Variants in EPHA6 observed in about 807,000 individuals in gnomAD.
The protein encoded by EPHA6 is ephrin type-A receptor 6.
In EPHA6, 50 loss-of-function variants were observed where a neutral mutation model predicts 112.0. That is an observed-to-expected ratio of 0.45 (90% confidence interval 0.36 to 0.56). EPHA6 has a LOEUF of 0.56. Ranked by LOEUF, EPHA6 falls within the 20% of genes least tolerant of loss-of-function variation. The pLI, the probability that EPHA6 is intolerant of heterozygous loss-of-function variation, is 0.00. For synonymous variants in EPHA6, 529 were observed against 490.7 expected, an observed-to-expected ratio of 1.08 and a Z score of -1.03; for missense variants, 1,280 against 1,417.4, an observed-to-expected ratio of 0.90 and a Z score of 1.56.
chr3:97,502,832 CA>C (rs397990595), intron 10 of EPHA6, among the ~76,000 whole-genome samples: 350 of 35,836 alleles, frequency 9.8e-3, no homozygotes, highest in African/African-American at 0.021. Flanking sequence ...GACTCTGTCT[CA>C]AAAAAAAAAA....
chr3:97,255,579 A>G (rs1281949917), intron 5 of EPHA6, among the ~76,000 whole-genome samples: 2 of 152,222 alleles, frequency 1.3e-5, no homozygotes, highest in Non-Finnish European at 2.9e-5. Flanking sequence ...GTAAAATACT[A>G]CAGGGTGGTA....
intron 5 of EPHA6, among the ~76,000 whole-genome samples, chr3:97,257,580 T>G (rs561973951): frequency 6.6e-6 from 1 of 152,180 alleles, no homozygotes; most frequent in Non-Finnish European, 1.5e-5. Context: ...GTAAAAATCT[T>G]CATATCACTG....
intron 14 of EPHA6, chr3:97,648,727 G>T: frequency 1.3e-6 from 1 of 750,952 alleles, no homozygotes; most frequent in Non-Finnish European, 1.7e-6. Flanking sequence ...CGAGAAAAAA[G>T]ATTAAAGGTT....
chr3:97,585,433 A>G (rs994667257), intron 11 of EPHA6, among the ~76,000 whole-genome samples: 5 of 152,304 alleles, frequency 3.3e-5, no homozygotes, highest in African/African-American at 9.6e-5. Flanking sequence ...TACAAGTCCA[A>G]AGTTTTAAAA....
At chr3:97,200,495 C>T (rs746338909) in intron 3 of EPHA6, among the ~76,000 whole-genome samples, 1 of 152,044 alleles carries the variant, frequency 6.6e-6, no homozygotes, top group Non-Finnish European at 1.5e-5. Context: ...ATTAAGTGCT[C>T]AGTAAATTAT....
chr3:97,277,092 A>G (rs1203402648), intron 5 of EPHA6, among the ~76,000 whole-genome samples: 4 of 152,142 alleles, frequency 2.6e-5, no homozygotes, highest in Non-Finnish European at 5.9e-5. Context: ...AGAAAGACTC[A>G]GTGACGCTTG....
chr3:97,345,915 C>T (rs999124358), intron 5 of EPHA6, among the ~76,000 whole-genome samples: 6 of 151,808 alleles, frequency 4.0e-5, no homozygotes, highest in African/African-American at 1.5e-4. Context: ...GCCTTAATAC[C>T]CACTGGCATT....
At chr3:97,483,677 A>G (rs968019932) in intron 9 of EPHA6, among the ~76,000 whole-genome samples, 5 of 152,228 alleles carry the variant, frequency 3.3e-5, no homozygotes, top group African/African-American at 4.8e-5. Flanking sequence ...TTTTATAGAA[A>G]TATGAGACAT....
intron 16 of EPHA6, among the ~76,000 whole-genome samples, chr3:97,738,596 G>A (rs1441893412): frequency 6.6e-6 from 1 of 152,058 alleles, no homozygotes; most frequent in Non-Finnish European, 1.5e-5. Flanking sequence ...AAGTCAAGAT[G>A]AGAGGGTGTA....
At position 97,656,246 on chromosome 3, in the gene EPHA6, G is replaced by A. The variant is rs373272480; in HGVS notation, c.2784+18164G>A. ...TACTTCTTTAATCAAAAAGTTGGCT[G>A]GAGGTCACTTCACTAGGCAACATTT... On this transcript the variant is annotated intron_variant, in intron 14 of 17. Transcript: ENST00000389672. 9.2e-5 allele frequency among the ~76,000 whole-genome samples: 14 copies of A among 152,012 alleles called. No individual in the cohort carries two copies. In the South Asian group the frequency reaches 2.7e-3, roughly 29 times the overall value.
intron 14 of EPHA6, among the ~76,000 whole-genome samples, chr3:97,645,120 A>G (rs2094046775): frequency 6.6e-6 from 1 of 152,142 alleles, no homozygotes; most frequent in Admixed American, 6.5e-5. Context: ...TTCCTCAGGG[A>G]TCTACAACTA....
intron 5 of EPHA6, among the ~76,000 whole-genome samples, chr3:97,359,860 G>A (rs906502870): frequency 1.3e-5 from 2 of 151,998 alleles, no homozygotes; most frequent in African/African-American, 4.8e-5. Context: ...CTAAGCTTGT[G>A]CCTTTCTCTA....
intron 5 of EPHA6, among the ~76,000 whole-genome samples, chr3:97,334,478 CT>C (rs1354125066): frequency 0.066 from 8,394 of 127,868 alleles, 180 homozygotes; most frequent in Middle Eastern, 0.11. Flanking sequence ...TTTTTTTCTT[CT>C]TTTTTTTTTT....
intron 10 of EPHA6, among the ~76,000 whole-genome samples, chr3:97,518,786 C>T (rs1292422293): frequency 6.6e-6 from 1 of 151,972 alleles, no homozygotes; most frequent in Non-Finnish European, 1.5e-5. Flanking sequence ...GTCTTCTTTG[C>T]AAAATGTATA....
intron 12 of EPHA6, among the ~76,000 whole-genome samples, chr3:97,606,464 T>C (rs1438090518): frequency 1.3e-5 from 2 of 151,124 alleles, no homozygotes; most frequent in Non-Finnish European, 3.0e-5. Context: ...TTTAATAAAG[T>C]GAGGAGTCCA....
At chr3:97,161,194 G>T (rs1053218350) in intron 3 of EPHA6, among the ~76,000 whole-genome samples, 1 of 152,096 alleles carries the variant, frequency 6.6e-6, no homozygotes, top group Non-Finnish European at 1.5e-5. Context: ...TAAGTTGGTG[G>T]CCTGTGTTTA....
At chr3:97,439,522 C>A (rs563983108) in intron 6 of EPHA6, 3 of 517,116 alleles carry the variant, frequency 5.8e-6, no homozygotes, top group Admixed American at 6.3e-5. Flanking sequence ...TTAATGAATG[C>A]GAGAAAAGAC....
At chr3:96,962,044 A>T (rs1576178495) in intron 2 of EPHA6, among the ~76,000 whole-genome samples, 1 of 152,260 alleles carries the variant, frequency 6.6e-6, no homozygotes, top group South Asian at 2.1e-4. Flanking sequence ...CATGTACTAA[A>T]TTCCAGGAAT....
At chr3:97,471,202 G>A (rs1241569443) in intron 7 of EPHA6, among the ~76,000 whole-genome samples, 4 of 151,696 alleles carry the variant, frequency 2.6e-5, no homozygotes, top group Non-Finnish European at 5.9e-5. Flanking sequence ...TCTAGCCAAG[G>A]AGGTGATCAT....
Sources: gnomAD v4.1 joint callset for allele counts (sites outside exome capture counted in the v4.1 genomes callset) on GRCh38, gnomAD v4.1.1 for gene constraint, MANE v1.5 for transcripts, NCBI Gene and HGNC (gene_info 2026-07-23, HGNC 2026-07-21) for gene names.